The following TRAF3 variants were observed in gnomAD, a reference collection of about 807,000 sequenced individuals.
TRAF3 encodes TNF receptor-associated factor 3.
Under a neutral mutation model 62.3 loss-of-function variants are expected in TRAF3, and 13 were observed. The observed-to-expected ratio is 0.21, with a 90% CI of 0.14 to 0.33. The LOEUF (loss-of-function observed/expected upper bound fraction) is 0.33. Among genes scored for constraint, TRAF3 ranks in the 10% least tolerant of loss-of-function variants. TRAF3 has a pLI of 1.00. For synonymous variants in TRAF3, 269 were observed against 283.4 expected, an observed-to-expected ratio of 0.95 and a Z score of 0.51; for missense variants, 440 against 741.8, an observed-to-expected ratio of 0.59 and a Z score of 4.73.
chr14:102,866,384 T>G (rs535837762), intron 2 of TRAF3, among the ~76,000 whole-genome samples: 64 of 152,260 alleles, frequency 4.2e-4, no homozygotes, highest in Non-Finnish European at 2.9e-5. Flanking sequence ...CTGCATGTAC[T>G]GCACATGTAT....
intron 10 of TRAF3, among the ~76,000 whole-genome samples, chr14:102,897,814 C>G (rs950646849): frequency 2.0e-5 from 3 of 152,242 alleles, no homozygotes; most frequent in Admixed American, 2.0e-4. Context: ...TGTGAGCTTT[C>G]CAGTGACACG....
intron 2 of TRAF3, among the ~76,000 whole-genome samples, chr14:102,833,552 G>C (rs1885781602): frequency 6.6e-6 from 1 of 152,190 alleles, no homozygotes; most frequent in African/African-American, 2.4e-5. Context: ...TTCGAGTATA[G>C]AGATGACTGA....
chr14:102,845,544 C>T (rs1248971911), intron 2 of TRAF3, among the ~76,000 whole-genome samples: 1 of 147,850 alleles, frequency 6.8e-6, no homozygotes, highest in East Asian at 2.0e-4. Flanking sequence ...AAGACGGAGT[C>T]TCCCTCTGTC....
intron 1 of TRAF3, among the ~76,000 whole-genome samples, chr14:102,808,701 A>G (rs78972407): frequency 0.011 from 1,708 of 152,310 alleles, 35 homozygotes; most frequent in African/African-American, 0.039. Flanking sequence ...TGTAAATATT[A>G]AAGGCACATT....
At chr14:102,902,874 GC>G (rs978876821) in intron 10 of TRAF3, among the ~76,000 whole-genome samples, 121 of 152,300 alleles carry the variant, frequency 7.9e-4, no homozygotes, top group African/African-American at 2.9e-3. Context: ...GCTGTGGGCA[GC>G]AGAAGCATGA....
At chr14:102,881,054 T>C (rs1384847579) in intron 6 of TRAF3, among the ~76,000 whole-genome samples, 2 of 151,512 alleles carry the variant, frequency 1.3e-5, no homozygotes, top group Admixed American at 1.3e-4. Context: ...GATCATGCAC[T>C]CCAGCCTGGT....
Position 102,903,795 on chromosome 14 carries a change from A to T in TRAF3, c.1135+366A>T. 6.2e-6 allele frequency: 3 copies of T among 481,856 alleles called. No individual in the cohort carries two copies. Among genetic ancestry groups the T allele is most frequent in the Non-Finnish European group, 1.2e-5 (3 of 244,374 alleles). The allele number at this position is 481,856 out of a possible 1,614,324, so 29.8% of individuals were successfully genotyped here. ...TGCTGGTCGGGGCGCCCCAGACCCC[A>T]CTCCTAAGGGCCAGGGGGCAGCAGT... On this transcript the variant is annotated intron_variant, in intron 11 of 11. Transcript: ENST00000392745. The surrounding 1 kb of genome is among the most constrained non-coding windows in gnomAD (Gnocchi z 6.4).
chr14:102,785,751 T>A (rs1897465109), intron 1 of TRAF3, among the ~76,000 whole-genome samples: 1 of 152,084 alleles, frequency 6.6e-6, no homozygotes, highest in Non-Finnish European at 1.5e-5. Context: ...CCAGGAGGGG[T>A]CAGTGGTGGC....
chr14:102,886,030 C>T (rs888790867), intron 6 of TRAF3, among the ~76,000 whole-genome samples, 159 bp from the exon 7 acceptor site: 12 of 152,156 alleles, frequency 7.9e-5, no homozygotes, highest in Non-Finnish European at 7.3e-5. Context: ...ACTCACACTC[C>T]GTGACAATAA....
At chr14:102,833,093 T>C (rs868682486) in intron 2 of TRAF3, among the ~76,000 whole-genome samples, 1 of 152,200 alleles carries the variant, frequency 6.6e-6, no homozygotes, top group Non-Finnish European at 1.5e-5. Flanking sequence ...CTCACACACA[T>C]GCACACCCTG....
intron 1 of TRAF3, among the ~76,000 whole-genome samples, chr14:102,818,110 A>G (rs1899649051): frequency 6.6e-6 from 1 of 152,098 alleles, no homozygotes; most frequent in African/African-American, 2.4e-5. Flanking sequence ...CTGAAGCAAC[A>G]CTCGCCAGGG....
chr14:102,849,718 T>G (rs556077534), intron 2 of TRAF3, among the ~76,000 whole-genome samples: 1 of 152,332 alleles, frequency 6.6e-6, no homozygotes, highest in East Asian at 1.9e-4. Context: ...ATGCTGACTG[T>G]GGGCCCTCTC....
At chr14:102,883,594 C>G (rs927989335) in intron 6 of TRAF3, among the ~76,000 whole-genome samples, 1 of 149,908 alleles carries the variant, frequency 6.7e-6, no homozygotes, top group African/African-American at 2.4e-5. Context: ...TTCTTTCTTT[C>G]TTTTTTTTCG....
rs896004941 is a variant in TRAF3 at position 102,909,152 on chromosome 14, G to C, written c.*3368G>C. 1 of 152,314 alleles carries C rather than the reference G, an allele frequency of 6.6e-6. No individual in the cohort carries two copies. The highest frequency in any genetic ancestry group is 6.5e-5 in the Admixed American group (1 of 15,290). 9.4% of individuals were successfully genotyped at this position (152,314 alleles called of 1,614,324 possible). On this transcript the variant is annotated 3_prime_UTR_variant, in exon 12 of 12. Coordinates refer to ENST00000392745, the MANE Select transcript of TRAF3 (RefSeq NM_145725.3). ...GCCCCAGCTGGGCTGGAGGGAGCCT[G>C]AGTGAGCCCCGACATACGCTGGGCC...
intron 7 of TRAF3, among the ~76,000 whole-genome samples, chr14:102,888,626 A>C (rs931703225): frequency 6.6e-6 from 1 of 152,134 alleles, no homozygotes; most frequent in Non-Finnish European, 1.5e-5. Context: ...CTGCACCCAC[A>C]CACCCATCCT....
intron 7 of TRAF3, among the ~76,000 whole-genome samples, 196 bp downstream of exon 7, chr14:102,886,465 A>G (rs1889395492): frequency 6.6e-6 from 1 of 152,258 alleles, no homozygotes; most frequent in South Asian, 2.1e-4. Flanking sequence ...GTTAAAAGCT[A>G]CAGTGTATGG....
At chr14:102,858,427 A>C (rs950239350) in intron 2 of TRAF3, among the ~76,000 whole-genome samples, 26 of 152,204 alleles carry the variant, frequency 1.7e-4, no homozygotes, top group African/African-American at 6.3e-4. Context: ...TGCTGGGATT[A>C]CAGGCGTTAG....
chr14:102,827,327 A>G (rs1900385541), intron 1 of TRAF3, among the ~76,000 whole-genome samples: 1 of 152,168 alleles, frequency 6.6e-6, no homozygotes, highest in African/African-American at 2.4e-5. Context: ...CAGATTGAGT[A>G]TCCCTTATCT....
intron 2 of TRAF3, among the ~76,000 whole-genome samples, chr14:102,863,223 C>G (rs1220416580): frequency 2.0e-5 from 3 of 152,082 alleles, no homozygotes; most frequent in Admixed American, 2.0e-4. Context: ...GAATTTTTAC[C>G]GTGGCAACTC....
Sources: allele counts gnomAD v4.1 joint callset (sites outside exome capture counted in the v4.1 genomes callset), GRCh38; gene constraint gnomAD v4.1.1; non-coding constraint Gnocchi (gnomAD v3.1); transcripts MANE v1.5; gene names NCBI Gene and HGNC (gene_info 2026-07-23, HGNC 2026-07-21).